The following ANKRD31 variants were observed in gnomAD, a reference collection of about 807,000 sequenced individuals.
ANKRD31 encodes ankyrin repeat domain-containing protein 31.
A neutral mutation model predicts 186.0 loss-of-function variants in ANKRD31; 147 were observed. That is an observed-to-expected ratio of 0.79 (90% confidence interval 0.69 to 0.91). The LOEUF (loss-of-function observed/expected upper bound fraction) is 0.91, where lower values mean the gene tolerates loss of function less well. ANKRD31 is among the 40% of genes least tolerant of loss of function. The pLI is 0.00. For synonymous variants in ANKRD31, 673 were observed against 736.4 expected, an observed-to-expected ratio of 0.91 and a Z score of 1.39; for missense variants, 1,986 against 2,148.8, an observed-to-expected ratio of 0.92 and a Z score of 1.50.
At chr5:75,121,289 G>T (rs1026945000) in intron 17 of ANKRD31, among the ~76,000 whole-genome samples, 2 of 151,798 alleles carry the variant, frequency 1.3e-5, no homozygotes, top group Non-Finnish European at 2.9e-5. Context: ...ACTCAACACT[G>T]GAGCACCCAG....
intron 5 of ANKRD31, among the ~76,000 whole-genome samples, chr5:75,202,039 C>T (rs922938956): frequency 6.6e-6 from 1 of 152,168 alleles, no homozygotes; most frequent in African/African-American, 2.4e-5. Flanking sequence ...TGGTTTGTCC[C>T]ACCTTTCCAG....
At chr5:75,230,273 G>A (rs1243927466) in intron 2 of ANKRD31, among the ~76,000 whole-genome samples, 1 of 152,084 alleles carries the variant, frequency 6.6e-6, no homozygotes, top group Non-Finnish European at 1.5e-5. Flanking sequence ...TAACAATTAT[G>A]TTACTTGTTT....
rs75067676 is a variant in ANKRD31 at position 75,090,410 on chromosome 5, CAGA to C, written c.5472+848_5472+850del. Among the ~76,000 whole-genome samples, 361 of 152,170 alleles carry C rather than the reference CAGA, an allele frequency of 2.4e-3. 7 individuals carry two copies. In the East Asian group the frequency reaches 0.061, roughly 26 times the overall value. ...GGGTTGGGGCACAGAATCTGGGACACAGAATATAGACTTTAGGGGCACAAAGGG... is the reference window on the plus strand; with the variant it reads ...GGGTTGGGGCACAGAATCTGGGACACATATAGACTTTAGGGGCACAAAGGG... On this transcript the variant is annotated intron_variant, in intron 23 of 25. Coordinates refer to ENST00000506364, the MANE Select transcript of ANKRD31 (RefSeq NM_001372053.1).
At chr5:75,186,940 ACT>A (rs1307078993) in intron 10 of ANKRD31, among the ~76,000 whole-genome samples, 1 of 152,098 alleles carries the variant, frequency 6.6e-6, no homozygotes, top group Non-Finnish European at 1.5e-5. Flanking sequence ...TAGAAGGCAT[ACT>A]GTAAACGCTC....
intron 11 of ANKRD31, among the ~76,000 whole-genome samples, chr5:75,155,393 A>G (rs746452775): frequency 6.6e-6 from 1 of 152,140 alleles, no homozygotes; most frequent in African/African-American, 2.4e-5. Context: ...AAACTGTTCC[A>G]TATCAGTGTA....
At chr5:75,212,021 C>T (rs866230491) in intron 3 of ANKRD31, among the ~76,000 whole-genome samples, 1 of 151,972 alleles carries the variant, frequency 6.6e-6, no homozygotes, top group Non-Finnish European at 1.5e-5. Flanking sequence ...GTTGCCTGTG[C>T]TTTTGGTGTG....
At chr5:75,208,300 A>G (rs1756383444) in intron 4 of ANKRD31, among the ~76,000 whole-genome samples, 1 of 152,140 alleles carries the variant, frequency 6.6e-6, no homozygotes, top group Non-Finnish European at 1.5e-5. Context: ...TTGCTTGGGT[A>G]CAGAAAATAA....
intron 22 of ANKRD31, among the ~76,000 whole-genome samples, chr5:75,102,675 C>T (rs1344226730): frequency 6.6e-6 from 1 of 152,216 alleles, no homozygotes; most frequent in African/African-American, 2.4e-5. Flanking sequence ...GCAGTTTGAT[C>T]TCAGACTGCT....
chr5:75,193,395 A>G lies in ANKRD31; in HGVS notation c.1214T>C (p.Met405Thr), dbSNP rs752448925. ...VSRDAKYSDH[M>T]YKMPEKILPK... ...TAAAATCTTTTCTGGCATCTTATAC[A>G]TGTGATCTGAGTACTTTGCATCTCT... The change falls in exon 8 of 26, where the codon ATG (methionine) becomes ACG (threonine). Residue 405 changes from methionine to threonine, a missense_variant. Met to Thr is a moderately conservative substitution (Grantham distance 81). Coordinates refer to ENST00000506364, the MANE Select transcript of ANKRD31 (RefSeq NM_001372053.1). 6 of 1,537,096 alleles carry G rather than the reference A, an allele frequency of 3.9e-6. No homozygotes were observed. Among genetic ancestry groups the G allele is most frequent in the Middle Eastern group, 1.7e-4 (1 of 5,984 alleles).
intron 10 of ANKRD31, among the ~76,000 whole-genome samples, chr5:75,180,993 G>A (rs1754241647): frequency 1.3e-5 from 2 of 150,920 alleles, no homozygotes; most frequent in South Asian, 4.2e-4. Flanking sequence ...TCTGACAAAG[G>A]GCTAATATCC....
chr5:75,110,680 A>G, intron 20 of ANKRD31, among the ~76,000 whole-genome samples: 1 of 149,510 alleles, frequency 6.7e-6, no homozygotes, highest in East Asian at 2.0e-4. Flanking sequence ...CTGCACTCCA[A>G]CCTGGTGACA....
At position 75,146,184 on chromosome 5, in the gene ANKRD31, T is replaced by G. The variant is rs1479768842; in HGVS notation, c.3227A>C (p.Tyr1076Ser). ...AACTATGGATAAAGGCTCATTTGAA[T>G]AAATTATTTTTTGGTCTCTGTCAAT... ...NYIDRDQKII[Y>S]SNEPLSIVAH... The change falls in exon 14 of 26, where the codon TAT becomes TCT. Residue 1076 changes from tyrosine (Y) to serine (S), a missense_variant. Coordinates refer to ENST00000506364, the MANE Select transcript of ANKRD31 (RefSeq NM_001372053.1). 6 of 1,535,616 alleles carry G rather than the reference T, an allele frequency of 3.9e-6. No individual in the cohort carries two copies. The highest frequency in any genetic ancestry group is 1.4e-5 in the African/African-American group (1 of 72,878).
intron 12 of ANKRD31, among the ~76,000 whole-genome samples, chr5:75,153,391 G>A (rs1355903311): frequency 6.6e-6 from 1 of 152,090 alleles, no homozygotes; most frequent in Admixed American, 6.6e-5. Flanking sequence ...AACTAATATA[G>A]TGAAGGTAAG....
chr5:75,228,559 A>G (rs1018009144), intron 2 of ANKRD31, among the ~76,000 whole-genome samples: 3 of 152,156 alleles, frequency 2.0e-5, no homozygotes, highest in Non-Finnish European at 2.9e-5. Flanking sequence ...AAAAAAATGT[A>G]GAATATGATA....
chr5:75,180,362 T>A (rs1580500182), intron 10 of ANKRD31, among the ~76,000 whole-genome samples: 1 of 152,102 alleles, frequency 6.6e-6, no homozygotes, highest in East Asian at 1.9e-4. Flanking sequence ...ATGACTTTCT[T>A]CACAGAATTG....
intron 22 of ANKRD31, among the ~76,000 whole-genome samples, chr5:75,099,672 G>A (rs1169922124): frequency 6.6e-6 from 1 of 152,142 alleles, no homozygotes; most frequent in Non-Finnish European, 1.5e-5. Context: ...GGGTGTATGT[G>A]TCCAGGAATT....
intron 18 of ANKRD31, among the ~76,000 whole-genome samples, chr5:75,117,233 C>G (rs1748369703): frequency 6.6e-6 from 1 of 152,110 alleles, no homozygotes; most frequent in Non-Finnish European, 1.5e-5. Context: ...ATAGATCTAT[C>G]AACAACTCCA....
Position 75,099,085 on chromosome 5 carries a change from A to G in ANKRD31, c.5331+5143T>C, listed in dbSNP as rs544344805. Among the ~76,000 whole-genome samples the G allele has an allele frequency of 2.1e-4, 32 of 150,320 alleles. No individual in the cohort carries two copies. In the South Asian group the frequency reaches 6.6e-3, roughly 31 times the overall value. On this transcript the variant is annotated intron_variant, in intron 22 of 25. Coordinates refer to ENST00000506364, the MANE Select transcript of ANKRD31 (RefSeq NM_001372053.1). ...TGTGGGTTTGTCATAAATAGCTCTTATTATTTTGAGATACATCCCATCGAT... is the reference window on the plus strand; with the variant it reads ...TGTGGGTTTGTCATAAATAGCTCTTGTTATTTTGAGATACATCCCATCGAT...
At chr5:75,215,247 C>T (rs1358696772) in intron 3 of ANKRD31, among the ~76,000 whole-genome samples, 1 of 152,090 alleles carries the variant, frequency 6.6e-6, no homozygotes, top group Non-Finnish European at 1.5e-5. Flanking sequence ...TTAGATGAGG[C>T]CTACCCACAT....
Sources: gnomAD v4.1 joint callset for allele counts (sites outside exome capture counted in the v4.1 genomes callset) on GRCh38, gnomAD v4.1.1 for gene constraint, MANE v1.5 for transcripts, NCBI Gene and HGNC (gene_info 2026-07-23, HGNC 2026-07-21) for gene names.